MDH2: variants seen among roughly 807,000 people sequenced by gnomAD.
The protein encoded by MDH2 is malate dehydrogenase 2.
MDH2 carries 25 observed loss-of-function variants against 33.6 expected under a neutral mutation model. The observed-to-expected ratio is 0.74, with a 90% confidence interval of 0.54 to 1.04. The LOEUF is 1.04. MDH2 is among the 50% of genes least tolerant of loss of function. MDH2 has a pLI of 0.00. For synonymous variants in MDH2, 193 were observed against 188.7 expected (o/e 1.02, Z -0.19); for missense variants, 432 against 445.0 (o/e 0.97, Z 0.26).
intron 4 of MDH2, among the ~76,000 whole-genome samples, chr7:76,058,723 C>T (rs1585406643): frequency 6.6e-6 from 1 of 152,188 alleles, no homozygotes; most frequent in South Asian, 2.1e-4. Context: ...GTTTCTGTTT[C>T]TCCAAATTGC....
In MDH2 at chr7:76,066,367, C is replaced by T; in HGVS notation, c.974C>T (p.Ala325Val). Reference sequence around the variant, plus strand: ...TCGGATGCCATCCCCGAGCTGAAGGCCTCCATCAAGAAGGGGGAAGATTTC... The same window carrying T: ...TCGGATGCCATCCCCGAGCTGAAGGTCTCCATCAAGAAGGGGGAAGATTTC... ...MISDAIPELK[A>V]SIKKGEDFVK... is the part of the protein sequence containing the mutation. Residue 325 changes from alanine (A) to valine (V), a missense_variant, in exon 9 of 9, where the codon GCC (alanine) becomes GTC (valine). Coordinates refer to ENST00000315758, the MANE Select transcript of MDH2 (RefSeq NM_005918.4). The T allele has an allele frequency of 6.2e-7, 1 of 1,610,038 alleles. No individual in the cohort carries two copies. The highest frequency in any genetic ancestry group is 8.5e-7 in the Non-Finnish European group (1 of 1,178,712).
At position 76,064,083 on chromosome 7, in the gene MDH2, TTCG is replaced by T. The variant is rs141744349; in HGVS notation, c.634-253_634-251del. Among the ~76,000 whole-genome samples the T allele has an allele frequency of 5.6e-3, 847 of 151,264 alleles. 5 individuals carry two copies. Among genetic ancestry groups the T allele is most frequent in the African/African-American group, 0.02 (824 of 41,272 alleles). On this transcript the variant is annotated intron_variant, in intron 6 of 8. Coordinates refer to ENST00000315758, the MANE Select transcript of MDH2 (RefSeq NM_005918.4). ...CACTTCCCAACAGAGTTGATTTCACTTCGTCTTTTTTTTTTTTATCTTTTTATT... is the reference window on the plus strand; with the variant it reads ...CACTTCCCAACAGAGTTGATTTCACTTCTTTTTTTTTTTTATCTTTTTATT...
intron 4 of MDH2, among the ~76,000 whole-genome samples, chr7:76,058,764 T>C (rs1417597514): frequency 6.6e-6 from 1 of 152,154 alleles, no homozygotes; most frequent in Non-Finnish European, 1.5e-5. Context: ...TTTGGGGCCA[T>C]TGTAAAGTAA....
At chr7:76,065,917 G>A (rs1554587806) in intron 8 of MDH2, among the ~76,000 whole-genome samples, 3 of 152,238 alleles carry the variant, frequency 2.0e-5, no homozygotes, top group Non-Finnish European at 4.4e-5. Flanking sequence ...ACGGTGAAGT[G>A]TTCCTGATGA....
intron 1 of MDH2, among the ~76,000 whole-genome samples, chr7:76,052,794 GGCCTCTCA>G (rs1797664739): frequency 6.6e-6 from 1 of 152,020 alleles, no homozygotes. Flanking sequence ...GATCCACCTC[GGCCTCTCA>G]GAGTGCTGGG....
chr7:76,064,332 C>T lies in MDH2; in HGVS notation c.634-7C>T. ...GCCACTCACTGATCCCATGGCTTGGCTTGCAGTGCACCCCCAAGGTGGACT... is the reference window on the plus strand; with the variant it reads ...GCCACTCACTGATCCCATGGCTTGGTTTGCAGTGCACCCCCAAGGTGGACT... On this transcript the variant is annotated splice_polypyrimidine_tract_variant and splice_region_variant and intron_variant, in intron 6 of 8. Coordinates refer to ENST00000315758, the MANE Select transcript of MDH2 (RefSeq NM_005918.4). 2 of 1,607,678 alleles carry T rather than the reference C, an allele frequency of 1.2e-6. No individual in the cohort carries two copies. The highest frequency in any genetic ancestry group is 1.7e-6 in the Non-Finnish European group (2 of 1,177,388).
In MDH2 at chr7:76,048,136, A is replaced by G; in HGVS notation, c.-25A>G. 2.6e-6 allele frequency: 4 copies of G among 1,536,360 alleles called. No individual in the cohort carries two copies. Among genetic ancestry groups the G allele is most frequent in the Non-Finnish European group, 3.5e-6 (4 of 1,146,374 alleles). On this transcript the variant is annotated 5_prime_UTR_variant, in exon 1 of 9. Transcript: ENST00000315758. ...CCCGTCACCAGCTCCTGTGCCTGCCAGTCGGTGCCCCTCCCGCTCCAGCCA... is the reference window on the plus strand; with the variant it reads ...CCCGTCACCAGCTCCTGTGCCTGCCGGTCGGTGCCCCTCCCGCTCCAGCCA...
chr7:76,064,474 T>C (rs1453995404), intron 7 of MDH2, 36 bp downstream of exon 7: 3 of 1,555,802 alleles, frequency 1.9e-6, no homozygotes, highest in Non-Finnish European at 2.6e-6. Flanking sequence ...TGGGTGCCAG[T>C]GAGGCCCTGC....
At chr7:76,064,481 C>G (rs782481874) in intron 7 of MDH2, 43 bp downstream of exon 7, 13 of 1,510,412 alleles carry the variant, frequency 8.6e-6, no homozygotes, top group Non-Finnish European at 1.2e-5. Context: ...CAGTGAGGCC[C>G]TGCGAGAGCT....
Position 76,059,194 on chromosome 7 carries a change from T to G in MDH2, c.429+1116T>G, listed in dbSNP as rs566364812. Among the ~76,000 whole-genome samples the G allele has an allele frequency of 2.6e-5, 4 of 152,322 alleles. No individual in the cohort carries two copies. The East Asian group carries it at 7.7e-4, about 29-fold the overall frequency. On this transcript the variant is annotated intron_variant, in intron 4 of 8. Coordinates refer to ENST00000315758, the MANE Select transcript of MDH2 (RefSeq NM_005918.4). ...ACCAACCTCAGGTGATCCTCCCGCC[T>G]CACTCTCCCAGAGTGCTGGGATTAC...
Position 76,064,379 on chromosome 7 carries a change from C to T in MDH2, c.674C>T (p.Ala225Val), listed in dbSNP as rs370450077. 6 of 1,613,518 alleles carry T rather than the reference C, an allele frequency of 3.7e-6. No individual in the cohort carries two copies. The highest frequency in any genetic ancestry group is 4.2e-6 in the Non-Finnish European group (5 of 1,179,918). ...GACTTTCCCCAGGACCAGCTGACAG[C>T]ACTCACTGGGCGGATCCAGGAGGCC... Reference protein sequence around the residue: ...KVDFPQDQLTALTGRIQEAGT... With the variant: ...KVDFPQDQLTVLTGRIQEAGT... Residue 225 changes from alanine to valine, a missense_variant, in exon 7 of 9, where the codon GCA becomes GTA. Transcript: ENST00000315758.
chr7:76,056,390 C>T (rs1018530893), intron 2 of MDH2, among the ~76,000 whole-genome samples: 14 of 152,250 alleles, frequency 9.2e-5, no homozygotes, highest in South Asian at 4.1e-4. Context: ...CCTCTGACAG[C>T]GTATGCGATA....
intron 4 of MDH2, chr7:76,058,298 C>T (rs1797846968): frequency 1.8e-6 from 1 of 543,740 alleles, no homozygotes. Context: ...TGAGGGTTGT[C>T]ACAGCCAGCC....
chr7:76,056,236 T>A (rs1797776910), intron 2 of MDH2, among the ~76,000 whole-genome samples: 1 of 152,224 alleles, frequency 6.6e-6, no homozygotes, highest in South Asian at 2.1e-4. Flanking sequence ...AATATATTAA[T>A]GTAAGTTGCA....
In MDH2 at chr7:76,057,420, A is replaced by T; in HGVS notation, c.246A>T (p.Gly82=). Residue 82 remains glycine (G), a synonymous_variant, in exon 3 of 9, where the codon GGA becomes GGT. Coordinates refer to ENST00000315758, the MANE Select transcript of MDH2 (RefSeq NM_005918.4). Reference sequence around the variant, plus strand: ...GGGTGTTTGTTCTAGGCTACCTCGGACCTGAACAGCTGCCTGACTGCCTGA... The same window carrying T: ...GGGTGTTTGTTCTAGGCTACCTCGGTCCTGAACAGCTGCCTGACTGCCTGA... The part of the protein sequence containing the change: ...ETKAAVKGYL[G]PEQLPDCLKG... 1 of 1,614,098 alleles carries T rather than the reference A, an allele frequency of 6.2e-7. No individual in the cohort carries two copies.
intron 7 of MDH2, 26 bp from the exon 8 acceptor site, chr7:76,064,776 A>G: frequency 6.2e-7 from 1 of 1,605,802 alleles, no homozygotes; most frequent in Non-Finnish European, 8.5e-7. Flanking sequence ...GGCACCAGCC[A>G]GGCTGACCTG....
chr7:76,056,841 C>T (rs1563547995), intron 2 of MDH2, among the ~76,000 whole-genome samples: 1 of 151,992 alleles, frequency 6.6e-6, no homozygotes, highest in South Asian at 2.1e-4. Context: ...GGTGAAACCC[C>T]TTCTCTACTA....
Position 76,060,600 on chromosome 7 carries a change from G to C in MDH2, c.555+102G>C, listed in dbSNP as rs572840089. On this transcript the variant is annotated intron_variant, in intron 5 of 8. Transcript: ENST00000315758. ...AGACATGAAGGCATGCCCAGGTCAC[G>C]TGTCACTTTGGGGTTTTAAATGTTT... is the stretch of plus-strand genomic sequence containing the variant. The C allele has an allele frequency of 8.7e-6, 13 of 1,501,174 alleles. No individual in the cohort carries two copies. The East Asian group carries it at 3.0e-4, about 35-fold the overall frequency. The allele number at this position is 1,501,174 out of a possible 1,614,324, so 93.0% of individuals were successfully genotyped here. A position where few individuals can be genotyped will look rare whatever the true frequency, so the allele number is the denominator to read the frequency against.
chr7:76,048,114 G>C lies in MDH2; in HGVS notation c.-47G>C, dbSNP rs1554584386. 1 of 1,536,484 alleles carries C rather than the reference G, an allele frequency of 6.5e-7. No individual in the cohort carries two copies. The highest frequency in any genetic ancestry group is 1.2e-5 in the South Asian group (1 of 84,042). ...TGGAGGTCGTTGGAGTCACTTCCCC[G>C]TCACCAGCTCCTGTGCCTGCCAGTC... is the stretch of plus-strand genomic sequence containing the variant. On this transcript the variant is annotated 5_prime_UTR_variant, in exon 1 of 9. Coordinates refer to ENST00000315758, the MANE Select transcript of MDH2 (RefSeq NM_005918.4).
Sources: allele counts gnomAD v4.1 joint callset (sites outside exome capture counted in the v4.1 genomes callset), GRCh38; gene constraint gnomAD v4.1.1; transcripts MANE v1.5; gene names NCBI Gene and HGNC (gene_info 2026-07-23, HGNC 2026-07-21).